ARF4: variants seen among roughly 807,000 people sequenced by gnomAD.
ARF4 encodes ADP-ribosylation factor 4.
Under a neutral mutation model 24.3 loss-of-function variants are expected in ARF4, and 5 were observed. The observed-to-expected ratio is 0.21, with a 90% CI of 0.11 to 0.43. The LOEUF (loss-of-function observed/expected upper bound fraction) is 0.43. Among genes scored for constraint, ARF4 ranks in the 20% least tolerant of loss-of-function variants. ARF4 has a pLI of 1.00. For synonymous variants in ARF4, 62 were observed against 73.5 expected, an observed-to-expected ratio of 0.84 and a Z score of 0.80; for missense variants, 107 against 213.0, an observed-to-expected ratio of 0.50 and a Z score of 3.10.
At position 57,597,288 on chromosome 3, in the gene ARF4, C is replaced by G. The variant is rs1431046212; in HGVS notation, c.-148G>C. 4 of 714,502 alleles carry G rather than the reference C, an allele frequency of 5.6e-6. No homozygotes were observed. Among genetic ancestry groups the G allele is most frequent in the Non-Finnish European group, 9.3e-6 (4 of 428,018 alleles). 44.3% of individuals were successfully genotyped at this position (714,502 alleles called of 1,614,324 possible). On this transcript the variant is annotated 5_prime_UTR_variant, in exon 1 of 6. Transcript: ENST00000303436. Reference sequence around the variant, plus strand: ...GGAGGCAGAAACGTCTCAGTGGCCCCTGTGCCGATGAAGATCCGGCACAGG... The same window carrying G: ...GGAGGCAGAAACGTCTCAGTGGCCCGTGTGCCGATGAAGATCCGGCACAGG...
intron 4 of ARF4, among the ~76,000 whole-genome samples, chr3:57,576,781 G>T (rs759612587): frequency 6.6e-6 from 1 of 152,048 alleles, no homozygotes; most frequent in African/African-American, 2.4e-5. Context: ...TGGGAAGGCT[G>T]CAAAATGCCA....
intron 1 of ARF4, among the ~76,000 whole-genome samples, chr3:57,587,069 A>G (rs1045463914): frequency 6.6e-6 from 1 of 152,138 alleles, no homozygotes; most frequent in Admixed American, 6.6e-5. Context: ...CTGTAATCAC[A>G]GTACTTTGGG....
intron 1 of ARF4, among the ~76,000 whole-genome samples, chr3:57,588,345 G>A (rs981634935): frequency 2.7e-5 from 4 of 150,706 alleles, no homozygotes; most frequent in Admixed American, 1.3e-4. Flanking sequence ...CAGGCGGATC[G>A]CTTGAGCCCA....
chr3:57,596,991 G>A (rs905515109), intron 1 of ARF4, 83 bp downstream of exon 1: 4 of 1,496,578 alleles, frequency 2.7e-6, no homozygotes, highest in South Asian at 2.3e-5. Flanking sequence ...GCGGGCGGAG[G>A]AAAAAAACAG....
intron 1 of ARF4, among the ~76,000 whole-genome samples, chr3:57,591,223 G>A (rs1427254423): frequency 6.6e-6 from 1 of 151,994 alleles, no homozygotes. Flanking sequence ...ATTTATCAGA[G>A]AATTTAAAAC....
At chr3:57,586,756 A>G (rs1038491001) in intron 1 of ARF4, among the ~76,000 whole-genome samples, 3 of 152,224 alleles carry the variant, frequency 2.0e-5, no homozygotes, top group Non-Finnish European at 4.4e-5. Context: ...GAGCTACATT[A>G]AAGTTTGGCA....
chr3:57,580,579 AT>A (rs1180096362), intron 3 of ARF4, among the ~76,000 whole-genome samples: 1 of 147,906 alleles, frequency 6.8e-6, no homozygotes, highest in African/African-American at 2.5e-5. Context: ...TTTTTTTTTA[AT>A]TTTTTTTTGT....
At chr3:57,580,094 G>A (rs2069951836) in intron 3 of ARF4, among the ~76,000 whole-genome samples, 2 of 152,108 alleles carry the variant, frequency 1.3e-5, no homozygotes, top group Non-Finnish European at 2.9e-5. Context: ...AACAGAGTGA[G>A]ACCCCATCTC....
At chr3:57,577,422 T>A in intron 3 of ARF4, 35 bp from the exon 4 acceptor site, 1 of 1,525,592 alleles carries the variant, frequency 6.6e-7, no homozygotes, top group Non-Finnish European at 9.1e-7. Flanking sequence ...TTTTAACAGT[T>A]AAACGACACT....
At chr3:57,576,712 G>C (rs536228505) in intron 4 of ARF4, among the ~76,000 whole-genome samples, 1 of 152,014 alleles carries the variant, frequency 6.6e-6, no homozygotes, top group African/African-American at 2.4e-5. Flanking sequence ...ATTCTCAGCA[G>C]TCTTCCTCCA....
At chr3:57,579,681 C>T (rs890236583) in intron 3 of ARF4, among the ~76,000 whole-genome samples, 5 of 152,170 alleles carry the variant, frequency 3.3e-5, no homozygotes, top group African/African-American at 1.2e-4. Context: ...CATTAAATGA[C>T]AATTTCCTTT....
At chr3:57,582,386 G>A (rs1302744712) in intron 3 of ARF4, among the ~76,000 whole-genome samples, 1 of 151,788 alleles carries the variant, frequency 6.6e-6, no homozygotes, top group African/African-American at 2.4e-5. Flanking sequence ...GGGATCACAG[G>A]TGCGCGCCAC....
At chr3:57,594,515 GGTTTT>G (rs1222293080) in intron 1 of ARF4, among the ~76,000 whole-genome samples, 2 of 152,100 alleles carry the variant, frequency 1.3e-5, no homozygotes, top group African/African-American at 4.8e-5. Context: ...ACACTGTGTT[GGTTTT>G]TTAATTACAG....
At chr3:57,585,551 CACATGTAT>C (rs1176802075) in intron 1 of ARF4, among the ~76,000 whole-genome samples, 1 of 152,058 alleles carries the variant, frequency 6.6e-6, no homozygotes, top group African/African-American at 2.4e-5. Context: ...ACCAACATGG[CACATGTAT>C]ACATATGTAA....
intron 1 of ARF4, among the ~76,000 whole-genome samples, chr3:57,590,647 C>A (rs545798910): frequency 1.3e-5 from 2 of 151,494 alleles, no homozygotes; most frequent in African/African-American, 2.4e-5. Flanking sequence ...TTGAAATATA[C>A]CTTCATAATT....
chr3:57,591,912 G>A (rs1306737983), intron 1 of ARF4, among the ~76,000 whole-genome samples: 3 of 152,268 alleles, frequency 2.0e-5, no homozygotes, highest in African/African-American at 7.2e-5. Context: ...AAGGGGAATG[G>A]GAATTATTAC....
Position 57,575,649 on chromosome 3 carries a change from C to T in ARF4, c.355G>A (p.Ala119Thr), listed in dbSNP as rs774513747. 2 of 1,611,652 alleles carry T rather than the reference C, an allele frequency of 1.2e-6. No homozygotes were observed. The highest frequency in any genetic ancestry group is 2.2e-5 in the South Asian group (2 of 90,500). Reference sequence around the variant, plus strand: ...TTGTTTGCAAAAAGTAGCAGCACTGCATCTCTCAATTCATCTACCAGAAGC... The same window carrying T: ...TTGTTTGCAAAAAGTAGCAGCACTGTATCTCTCAATTCATCTACCAGAAGC... ...KMLLVDELRD[A>T]VLLLFANKQD... The change falls in exon 5 of 6, where the codon GCA becomes ACA. Residue 119 changes from alanine to threonine, a missense_variant. Coordinates refer to ENST00000303436, the MANE Select transcript of ARF4 (RefSeq NM_001660.4).
intron 4 of ARF4, among the ~76,000 whole-genome samples, chr3:57,576,139 C>T (rs905413811): frequency 3.3e-5 from 5 of 149,658 alleles, no homozygotes; most frequent in Non-Finnish European, 7.4e-5. Flanking sequence ...ATGAAATATA[C>T]AAAAAAAAAG....
chr3:57,587,668 T>C (rs1427590544), intron 1 of ARF4, among the ~76,000 whole-genome samples: 1 of 152,144 alleles, frequency 6.6e-6, no homozygotes, highest in African/African-American at 2.4e-5. Flanking sequence ...TTTAAATATA[T>C]AATATTTTAC....
Sources: allele counts gnomAD v4.1 joint callset (sites outside exome capture counted in the v4.1 genomes callset), GRCh38; gene constraint gnomAD v4.1.1; transcripts MANE v1.5; gene names NCBI Gene and HGNC (gene_info 2026-07-23, HGNC 2026-07-21).